DNAH9: variants seen among roughly 807,000 people sequenced by gnomAD.
DNAH9 encodes dynein axonemal heavy chain 9.
DNAH9 carries 345 observed loss-of-function variants against 471.6 expected under a neutral mutation model. The ratio of observed to expected loss-of-function variants is 0.73; its 90% confidence interval spans 0.67 to 0.80. The LOEUF is 0.80. Ranked by LOEUF, DNAH9 falls within the 30% of genes least tolerant of loss-of-function variation. The pLI, the probability that DNAH9 is intolerant of heterozygous loss-of-function variation, is 0.00. For synonymous variants in DNAH9, 2,093 were observed against 2,123.6 expected, an observed-to-expected ratio of 0.99 and a Z score of 0.40; for missense variants, 5,407 against 5,609.2, an observed-to-expected ratio of 0.96 and a Z score of 1.15.
intron 42 of DNAH9, among the ~76,000 whole-genome samples, chr17:11,797,341 T>G (rs1969280848): frequency 6.6e-6 from 1 of 152,172 alleles, no homozygotes; most frequent in Admixed American, 6.5e-5. Flanking sequence ...ACCGTGCTTG[T>G]GAGGAGGCCC....
At chr17:11,924,973 C>A (rs1011054802) in intron 62 of DNAH9, among the ~76,000 whole-genome samples, 11 of 152,152 alleles carry the variant, frequency 7.2e-5, no homozygotes, top group African/African-American at 2.4e-4. Context: ...AAAACCTTTT[C>A]AAATCCATCT....
In DNAH9 at chr17:11,928,122, T is replaced by TTC. The variant is rs1555525769; in HGVS notation, c.11878-1744_11878-1743insTC. 2.2e-3 allele frequency among the ~76,000 whole-genome samples: 290 copies of TTC among 133,634 alleles called. 5 individuals carry two copies. The East Asian group carries it at 0.037, about 17-fold the overall frequency. 87.7% of individuals were successfully genotyped at this position (133,634 alleles called of 152,430 possible). A position where few individuals can be genotyped will look rare whatever the true frequency, so the allele number is the denominator to read the frequency against. On this transcript the variant is annotated intron_variant, in intron 62 of 68. Transcript: ENST00000262442. The stretch of plus-strand genomic sequence containing the variant: ...TTATTTATTTATTTATTTATTTATT[T>TTC]ATTCATTCATTCATTTATTTATTTA...
chr17:11,605,316 T>C (rs576752889), intron 1 of DNAH9, among the ~76,000 whole-genome samples: 1 of 152,334 alleles, frequency 6.6e-6, no homozygotes, highest in Admixed American at 6.5e-5. Context: ...CAGAACTTAC[T>C]GTTTCTTGAC....
At position 11,932,901 on chromosome 17, in the gene DNAH9, C is replaced by A. The variant is rs1423293017; in HGVS notation, c.12297+696C>A. ...AACTTCGCTAACAATCAGTGCTCTT[C>A]CAGTTAAGGGAATATTCACCTCGTC... On this transcript the variant is annotated intron_variant, in intron 64 of 68. Coordinates refer to ENST00000262442, the MANE Select transcript of DNAH9 (RefSeq NM_001372.4). The surrounding 1 kb of genome is among the most constrained non-coding windows in gnomAD (Gnocchi z 4.3). Among the ~76,000 whole-genome samples, 1 of 152,198 alleles carries A rather than the reference C, an allele frequency of 6.6e-6. No individual in the cohort carries two copies. The highest frequency in any genetic ancestry group is 1.9e-4 in the East Asian group (1 of 5,196).
intron 38 of DNAH9, among the ~76,000 whole-genome samples, chr17:11,775,595 CTTTTTTTTTTT>C (rs71142246): frequency 2.3e-4 from 14 of 61,016 alleles, no homozygotes; most frequent in South Asian, 6.5e-4. Flanking sequence ...ATCAGATGTT[CTTTTTTTTTTT>C]TTTTTTTTTT....
chr17:11,736,481 C>G (rs1439809851), intron 28 of DNAH9, among the ~76,000 whole-genome samples: 1 of 152,184 alleles, frequency 6.6e-6, no homozygotes, highest in Non-Finnish European at 1.5e-5. Flanking sequence ...CCACTTCCCC[C>G]TCCCTGCCTC....
intron 6 of DNAH9, among the ~76,000 whole-genome samples, chr17:11,624,550 T>C (rs1333754318): frequency 6.6e-6 from 1 of 152,074 alleles, no homozygotes; most frequent in African/African-American, 2.4e-5. Context: ...CAGTATCTTT[T>C]CTTTAACAAA....
In DNAH9 at chr17:11,690,186, C is replaced by T; in HGVS notation, c.4364C>T (p.Pro1455Leu). Residue 1455 changes from proline (P) to leucine (L), a missense_variant, in exon 20 of 69, where the codon CCA (proline) becomes CTA (leucine). Transcript: ENST00000262442. ...ATGGAATTCCAGTATGAGCCCCACC[C>T]ACGGACCAATGTCCCCCTCCTGTGC... is the stretch of plus-strand genomic sequence containing the variant. ...AGMEFQYEPH[P>L]RTNVPLLCSD... 1 of 1,614,200 alleles carries T rather than the reference C, an allele frequency of 6.2e-7. No homozygotes were observed. The highest frequency in any genetic ancestry group is 1.6e-4 in the Middle Eastern group (1 of 6,062).
intron 67 of DNAH9, 151 bp downstream of exon 67, chr17:11,942,636 C>G: frequency 1.4e-6 from 1 of 713,048 alleles, no homozygotes; most frequent in Non-Finnish European, 2.2e-6. Context: ...TCCCCAGAAA[C>G]CACAGCCTGG....
At chr17:11,706,620 A>G (rs1027297964) in intron 26 of DNAH9, among the ~76,000 whole-genome samples, 14 of 152,282 alleles carry the variant, frequency 9.2e-5, no homozygotes, top group Admixed American at 5.9e-4. Context: ...CAGGGAAGAG[A>G]TGGTATTTGA....
intron 41 of DNAH9, 139 bp downstream of exon 41, chr17:11,784,678 A>G: frequency 8.1e-7 from 1 of 1,230,472 alleles, no homozygotes; most frequent in Non-Finnish European, 1.2e-6. Context: ...GAACATAAGC[A>G]GGTACACACA....
intron 29 of DNAH9, among the ~76,000 whole-genome samples, chr17:11,740,727 A>C (rs1426662843): frequency 6.6e-6 from 1 of 152,218 alleles, no homozygotes; most frequent in African/African-American, 2.4e-5. Flanking sequence ...GAAGAAACAG[A>C]TGCATTCAGC....
intron 59 of DNAH9, among the ~76,000 whole-genome samples, chr17:11,901,963 A>G (rs377154212): frequency 1.6e-4 from 24 of 152,324 alleles, no homozygotes; most frequent in East Asian, 1.9e-4. Flanking sequence ...CTGGTCTTTC[A>G]CAACCTGTAG....
intron 12 of DNAH9, among the ~76,000 whole-genome samples, chr17:11,649,139 AAAAG>A (rs1350711528): frequency 1.3e-4 from 20 of 152,292 alleles, no homozygotes; most frequent in African/African-American, 3.1e-4. Context: ...AAAAAAAAAA[AAAAG>A]AATGAACAGT....
At position 11,902,728 on chromosome 17, in the gene DNAH9, T is replaced by A. The variant is rs1206321945; in HGVS notation, c.11416T>A (p.Ser3806Thr). The A allele has an allele frequency of 4.4e-6, 7 of 1,607,654 alleles. No homozygotes were observed. Among genetic ancestry groups the A allele is most frequent in the Non-Finnish European group, 5.9e-6 (7 of 1,177,336 alleles). The change falls in exon 60 of 69, where the codon TCA (serine) becomes ACA (threonine). Residue 3806 changes from serine to threonine, a missense_variant. Physicochemically the swap from Ser to Thr is moderately conservative, Grantham distance 58 (BLOSUM62 1). Transcript: ENST00000262442. ...QAWGAVKVLS[S>T]MEEFSNLDRD... ...CTCTGAAATTTCCCAGGTACTTTCA[T>A]CAATGGAAGAATTCTCTAATCTGGA...
At chr17:11,872,302 G>T (rs1288585359) in intron 52 of DNAH9, among the ~76,000 whole-genome samples, 2 of 151,954 alleles carry the variant, frequency 1.3e-5, no homozygotes, top group East Asian at 3.9e-4. Flanking sequence ...TATTTGGGCA[G>T]TTCAGCTTGT....
At chr17:11,679,446 C>T (rs2074097993) in intron 17 of DNAH9, among the ~76,000 whole-genome samples, 1 of 152,248 alleles carries the variant, frequency 6.6e-6, no homozygotes, top group African/African-American at 2.4e-5. Context: ...TGAGTGCGCT[C>T]AGAGAACCTC....
chr17:11,631,374 C>T (rs1379671046), intron 7 of DNAH9, among the ~76,000 whole-genome samples: 1 of 152,096 alleles, frequency 6.6e-6, no homozygotes, highest in African/African-American at 2.4e-5. Context: ...CTTAGTTGGC[C>T]AGACCCAGGA....
At chr17:11,633,312 C>T (rs1397246745) in intron 8 of DNAH9, among the ~76,000 whole-genome samples, 2 of 152,108 alleles carry the variant, frequency 1.3e-5, no homozygotes. Context: ...TTTAAGGGTT[C>T]CAGTAGTTGG....
Sources: gnomAD v4.1 joint callset for allele counts (sites outside exome capture counted in the v4.1 genomes callset) on GRCh38, gnomAD v4.1.1 for gene constraint, Gnocchi (gnomAD v3.1) non-coding constraint, MANE v1.5 for transcripts, NCBI Gene and HGNC (gene_info 2026-07-23, HGNC 2026-07-21) for gene names.